LMBR1: variants seen among roughly 807,000 people sequenced by gnomAD.
LMBR1 encodes the protein limb region 1 protein homolog.
In LMBR1, 52 loss-of-function variants were observed where a neutral mutation model predicts 73.9. That is an observed-to-expected ratio of 0.70 (90% confidence interval 0.56 to 0.89). LMBR1 has a LOEUF of 0.89. LMBR1 is among the 40% of genes least tolerant of loss of function. LMBR1 has a pLI of 0.00. For synonymous variants in LMBR1, 215 were observed against 209.4 expected (o/e 1.03, Z -0.23); for missense variants, 539 against 579.8 (o/e 0.93, Z 0.72).
chr7:156,796,308 A>G, intron 5 of LMBR1, 81 bp downstream of exon 5: 1 of 848,500 alleles, frequency 1.2e-6, no homozygotes. Context: ...TAAATAATTT[A>G]AGTCTGCTTT....
chr7:156,764,357 T>G (rs933391084), intron 5 of LMBR1, among the ~76,000 whole-genome samples: 2 of 152,222 alleles, frequency 1.3e-5, no homozygotes, highest in East Asian at 3.8e-4. Flanking sequence ...TCACATTATA[T>G]AGAATTTTCA....
At chr7:156,834,850 G>A (rs1237350950) in intron 2 of LMBR1, among the ~76,000 whole-genome samples, 2 of 150,380 alleles carry the variant, frequency 1.3e-5, no homozygotes, top group East Asian at 3.9e-4. Flanking sequence ...CCAATTATAA[G>A]AATACCACAG....
intron 4 of LMBR1, among the ~76,000 whole-genome samples, chr7:156,798,239 C>T (rs1563386108): frequency 6.6e-6 from 1 of 152,182 alleles, no homozygotes; most frequent in African/African-American, 2.4e-5. Flanking sequence ...CAACAACTGA[C>T]ACAATGCCTG....
At chr7:156,864,407 CTATAT>C (rs1798160190) in intron 1 of LMBR1, among the ~76,000 whole-genome samples, 1 of 152,078 alleles carries the variant, frequency 6.6e-6, no homozygotes, top group Non-Finnish European at 1.5e-5. Flanking sequence ...AAATTTCACT[CTATAT>C]TAATATGTTT....
At chr7:156,793,326 A>G (rs926726333) in intron 5 of LMBR1, among the ~76,000 whole-genome samples, 3 of 152,194 alleles carry the variant, frequency 2.0e-5, no homozygotes, top group South Asian at 4.1e-4. Flanking sequence ...TAACGACACA[A>G]TATTAGTAAC....
chr7:156,719,786 C>A (rs771326402), intron 15 of LMBR1, among the ~76,000 whole-genome samples: 1 of 152,250 alleles, frequency 6.6e-6, no homozygotes. Context: ...ACAGAGCCCT[C>A]AGAAATAATG....
At chr7:156,748,969 A>T (rs1328142261) in intron 9 of LMBR1, among the ~76,000 whole-genome samples, 1 of 152,174 alleles carries the variant, frequency 6.6e-6, no homozygotes, top group Non-Finnish European at 1.5e-5. Flanking sequence ...TATGGGCCAC[A>T]TTTTATTGTC....
intron 2 of LMBR1, among the ~76,000 whole-genome samples, chr7:156,834,147 A>G (rs1488263875): frequency 6.6e-6 from 1 of 152,210 alleles, no homozygotes; most frequent in East Asian, 1.9e-4. Flanking sequence ...TTTCTGGGTG[A>G]TAACAGCCAA....
intron 4 of LMBR1, among the ~76,000 whole-genome samples, chr7:156,819,030 G>A (rs1290097289): frequency 6.6e-6 from 1 of 152,070 alleles, no homozygotes; most frequent in African/African-American, 2.4e-5. Flanking sequence ...AAAACCCAGA[G>A]GCCAGAGGAT....
Position 156,763,783 on chromosome 7 carries a change from G to A in LMBR1, c.436C>T (p.Arg146Cys), listed in dbSNP as rs1200156705. 8 of 1,589,934 alleles carry A rather than the reference G, an allele frequency of 5.0e-6. No homozygotes were observed. Among genetic ancestry groups the A allele is most frequent in the Middle Eastern group, 1.7e-4 (1 of 6,018 alleles). The change falls in exon 6 of 17, where the codon CGC becomes TGC. Residue 146 changes from arginine (R) to cysteine (C), a missense_variant. Around this residue, in one of 3 missense-constraint regions of LMBR1, gnomAD observed 454 missense variants for 473.4 expected, o/e 0.96. Coordinates refer to ENST00000353442, the MANE Select transcript of LMBR1 (RefSeq NM_022458.4). ...FAGLKKGIRA[R>C]ILETLVMLLL... is the part of the protein sequence containing the mutation. ...AGCATGACCAAAGTCTCTAAAATGC[G>A]GGCTCGGATTCCCTGAAAAATAGAG...
intron 1 of LMBR1, among the ~76,000 whole-genome samples, chr7:156,851,872 G>A (rs1225695299): frequency 6.6e-6 from 1 of 152,064 alleles, no homozygotes; most frequent in African/African-American, 2.4e-5. Context: ...CAGGATGAAA[G>A]TACTATTTTC....
chr7:156,709,700 T>G (rs1811671363), intron 15 of LMBR1, among the ~76,000 whole-genome samples: 2 of 151,974 alleles, frequency 1.3e-5, no homozygotes. Flanking sequence ...AACAAAAGAA[T>G]CTGAACAGCA....
At chr7:156,828,481 C>G (rs1043975105) in intron 3 of LMBR1, among the ~76,000 whole-genome samples, 4 of 152,142 alleles carry the variant, frequency 2.6e-5, no homozygotes, top group Admixed American at 6.5e-5. Context: ...CCCCAAATAT[C>G]TGACATTTGT....
intron 1 of LMBR1, among the ~76,000 whole-genome samples, chr7:156,840,928 G>T (rs1239221363): frequency 7.0e-6 from 1 of 141,896 alleles, no homozygotes; most frequent in African/African-American, 2.6e-5. Flanking sequence ...TCGTGCCACT[G>T]CACTCCAGCC....
intron 4 of LMBR1, among the ~76,000 whole-genome samples, chr7:156,808,642 T>A (rs1192739092): frequency 6.6e-6 from 1 of 152,220 alleles, no homozygotes; most frequent in Non-Finnish European, 1.5e-5. Context: ...CCCCATGTGT[T>A]AGCTTCCCTT....
At chr7:156,841,539 A>G (rs886100592) in intron 1 of LMBR1, among the ~76,000 whole-genome samples, 1 of 152,190 alleles carries the variant, frequency 6.6e-6, no homozygotes, top group African/African-American at 2.4e-5. Flanking sequence ...ACTGAGAAGC[A>G]GCAGTCAGCA....
chr7:156,841,627 A>G (rs558843451), intron 1 of LMBR1, among the ~76,000 whole-genome samples: 13 of 152,298 alleles, frequency 8.5e-5, no homozygotes, highest in Non-Finnish European at 1.8e-4. Context: ...GGAATCATCG[A>G]CAGTGTCAAA....
At chr7:156,746,126 G>C (rs924531840) in intron 9 of LMBR1, among the ~76,000 whole-genome samples, 5 of 152,118 alleles carry the variant, frequency 3.3e-5, no homozygotes, top group Admixed American at 6.6e-5. Flanking sequence ...TTGAATCAAA[G>C]TTTAAACTAC....
At chr7:156,739,044 C>T (rs1818414885) in intron 9 of LMBR1, among the ~76,000 whole-genome samples, 1 of 152,144 alleles carries the variant, frequency 6.6e-6, no homozygotes, top group African/African-American at 2.4e-5. Flanking sequence ...GAAACCAGGC[C>T]TAGGCTATTG....
Sources: gnomAD v4.1 joint callset for allele counts (sites outside exome capture counted in the v4.1 genomes callset) on GRCh38, gnomAD v4.1.1 for gene constraint, gnomAD v4.1.1 regional missense constraint, MANE v1.5 for transcripts, NCBI Gene and HGNC (gene_info 2026-07-23, HGNC 2026-07-21) for gene names.